Variants in SPTLC3 observed in about 807,000 individuals in gnomAD.
SPTLC3 encodes the protein serine palmitoyltransferase 3.
Under a neutral mutation model 59.3 loss-of-function variants are expected in SPTLC3, and 36 were observed. The ratio of observed to expected loss-of-function variants is 0.61; its 90% confidence interval spans 0.47 to 0.80. SPTLC3 has a LOEUF of 0.80. SPTLC3 is among the 30% of genes least tolerant of loss of function. The pLI is 0.00. For synonymous variants in SPTLC3, 257 were observed against 240.8 expected (o/e 1.07, Z -0.62); for missense variants, 625 against 685.1 (o/e 0.91, Z 0.98).
At chr20:13,064,480 A>G (rs948646174) in intron 2 of SPTLC3, among the ~76,000 whole-genome samples, 1 of 152,090 alleles carries the variant, frequency 6.6e-6, no homozygotes, top group Admixed American at 6.5e-5. Flanking sequence ...ATTTTAGTAT[A>G]GACGAGGTTT....
intron 4 of SPTLC3, among the ~76,000 whole-genome samples, chr20:13,088,312 G>T (rs767680366): frequency 1.3e-4 from 20 of 152,038 alleles, no homozygotes; most frequent in Middle Eastern, 3.4e-3. Context: ...GTTTTTTGTT[G>T]TTGTTGTTGT....
chr20:13,073,835 G>T, intron 3 of SPTLC3: 1 of 573,706 alleles, frequency 1.7e-6, no homozygotes, highest in South Asian at 1.5e-5. Context: ...TTTGGGGAAA[G>T]TTCCTTCAAC....
At chr20:13,044,995 C>CCACACA (rs5840546) in intron 1 of SPTLC3, among the ~76,000 whole-genome samples, 53 of 141,432 alleles carry the variant, frequency 3.7e-4, no homozygotes, top group South Asian at 9.0e-4. Flanking sequence ...TGTGTCCCCA[C>CCACACA]CACACACACA....
chr20:13,044,995 CCACACACACACACACA>C (rs5840546), intron 1 of SPTLC3, among the ~76,000 whole-genome samples: 6 of 141,432 alleles, frequency 4.2e-5, no homozygotes, highest in African/African-American at 7.8e-5. Context: ...TGTGTCCCCA[CCACACACACACACACA>C]CACACACACA....
At chr20:13,121,063 T>G (rs560055806) in intron 8 of SPTLC3, among the ~76,000 whole-genome samples, 1 of 152,366 alleles carries the variant, frequency 6.6e-6, no homozygotes, top group East Asian at 1.9e-4. Context: ...CTTATTTTTA[T>G]TCTTTCACAT....
chr20:13,108,327 T>G (rs1367477699), intron 6 of SPTLC3, among the ~76,000 whole-genome samples: 1 of 152,244 alleles, frequency 6.6e-6, no homozygotes, highest in Non-Finnish European at 1.5e-5. Context: ...TCATTGAATG[T>G]GGCAGAGTTG....
At chr20:13,013,211 A>G (rs1300746818) in intron 1 of SPTLC3, among the ~76,000 whole-genome samples, 3 of 152,196 alleles carry the variant, frequency 2.0e-5, no homozygotes, top group Non-Finnish European at 4.4e-5. Flanking sequence ...TTTAAGCTGA[A>G]CTTCTATTCT....
chr20:13,165,919 G>T lies in SPTLC3; in HGVS notation c.*1052G>T, dbSNP rs2038978471. ...TGCCCTCTGAATTGGGAGAAAGTGG[G>T]CTTGCACACTTTGAGGTAACTAACT... On this transcript the variant is annotated 3_prime_UTR_variant, in exon 12 of 12. Coordinates refer to ENST00000399002, the MANE Select transcript of SPTLC3 (RefSeq NM_018327.4). The T allele has an allele frequency of 2.0e-5, 3 of 152,186 alleles. No individual in the cohort carries two copies. Among genetic ancestry groups the T allele is most frequent in the African/African-American group, 7.2e-5 (3 of 41,446 alleles). 9.4% of individuals were successfully genotyped at this position (152,186 alleles called of 1,614,324 possible).
chr20:13,130,340 C>A lies in SPTLC3; in HGVS notation c.1279+3623C>A, dbSNP rs1393934793. Among the ~76,000 whole-genome samples the A allele has an allele frequency of 2.0e-5, 3 of 152,220 alleles. No homozygotes were observed. The East Asian group carries it at 5.8e-4, about 29-fold the overall frequency. On this transcript the variant is annotated intron_variant, in intron 9 of 11. Coordinates refer to ENST00000399002, the MANE Select transcript of SPTLC3 (RefSeq NM_018327.4). Reference sequence around the variant, plus strand: ...GAGAAAGAGAAGCCGGGCTCTGAGCCTTCATCTTCAGCCCACTCCACTACA... The same window carrying A: ...GAGAAAGAGAAGCCGGGCTCTGAGCATTCATCTTCAGCCCACTCCACTACA...
chr20:13,043,138 C>T (rs1987065726), intron 1 of SPTLC3, among the ~76,000 whole-genome samples: 1 of 152,180 alleles, frequency 6.6e-6, no homozygotes. Context: ...AGTTTGTGTT[C>T]TCCCTCAGAG....
chr20:13,154,452 G>A (rs544983547), intron 10 of SPTLC3, among the ~76,000 whole-genome samples: 1 of 152,108 alleles, frequency 6.6e-6, no homozygotes, highest in Non-Finnish European at 1.5e-5. Flanking sequence ...ACCCAAGATC[G>A]TTCTCAGGGA....
At chr20:13,074,002 G>T (rs79110462) in intron 3 of SPTLC3, 55 of 618,148 alleles carry the variant, frequency 8.9e-5, no homozygotes, top group Admixed American at 2.1e-4. Context: ...GAATATCGGA[G>T]ATAGTCCTGT....
At chr20:13,125,195 G>T (rs1267734233) in intron 8 of SPTLC3, among the ~76,000 whole-genome samples, 1 of 152,156 alleles carries the variant, frequency 6.6e-6, no homozygotes, top group Non-Finnish European at 1.5e-5. Context: ...GATTACTGGA[G>T]CTTCTTAGGG....
chr20:13,025,146 A>G (rs1024493878), intron 1 of SPTLC3, among the ~76,000 whole-genome samples: 5 of 152,184 alleles, frequency 3.3e-5, no homozygotes, highest in Admixed American at 3.3e-4. Flanking sequence ...AAATAATTAT[A>G]CAGGTAATAA....
intron 1 of SPTLC3, among the ~76,000 whole-genome samples, chr20:13,015,440 A>ATAAAATGAAAATC (rs1351833932): frequency 6.6e-6 from 1 of 152,226 alleles, no homozygotes; most frequent in Non-Finnish European, 1.5e-5. Flanking sequence ...ATAGATTTAA[A>ATAAAATGAAAATC]TAAAATGAAA....
At chr20:13,030,176 G>A (rs556972829) in intron 1 of SPTLC3, among the ~76,000 whole-genome samples, 1 of 152,266 alleles carries the variant, frequency 6.6e-6, no homozygotes, top group East Asian at 1.9e-4. Context: ...GTCACTGGCT[G>A]CCCCTACTGT....
At chr20:13,090,935 T>C in intron 4 of SPTLC3, 148 bp from the exon 5 acceptor site, 1 of 1,031,006 alleles carries the variant, frequency 9.7e-7, no homozygotes, top group Non-Finnish European at 1.4e-6. Context: ...ATATTTGGGC[T>C]GTTTCTAGAT....
chr20:13,049,047 A>G lies in SPTLC3; in HGVS notation c.220A>G (p.Thr74Ala). 6.2e-7 allele frequency: 1 copy of G among 1,613,812 alleles called. No homozygotes were observed. The highest frequency in any genetic ancestry group is 8.5e-7 in the Non-Finnish European group (1 of 1,179,880). Reference protein sequence around the residue: ...VFTYMGYGIGTLFGYLRDFLR... With the variant: ...VFTYMGYGIGALFGYLRDFLR... Reference sequence around the variant, plus strand: ...CACTTACATGGGATATGGAATTGGAACCCTGTTTGGCTATCTCAGAGACTT... The same window carrying G: ...CACTTACATGGGATATGGAATTGGAGCCCTGTTTGGCTATCTCAGAGACTT... The change falls in exon 2 of 12, where the codon ACC becomes GCC. Residue 74 changes from threonine (T) to alanine (A), a missense_variant. By Grantham distance (58) the Thr-to-Ala change is moderately conservative. Transcript: ENST00000399002.
intron 2 of SPTLC3, among the ~76,000 whole-genome samples, chr20:13,071,076 C>G (rs1212795955): frequency 2.6e-5 from 4 of 152,186 alleles, no homozygotes; most frequent in African/African-American, 7.2e-5. Flanking sequence ...GCTTAGACGA[C>G]AGTTACCATT....
Sources: gnomAD v4.1 joint callset for allele counts (sites outside exome capture counted in the v4.1 genomes callset) on GRCh38, gnomAD v4.1.1 for gene constraint, MANE v1.5 for transcripts, NCBI Gene and HGNC (gene_info 2026-07-23, HGNC 2026-07-21) for gene names.